HS3ST5: variants seen among roughly 807,000 people sequenced by gnomAD.
The protein encoded by HS3ST5 is heparan sulfate-glucosamine 3-sulfotransferase 5, also known as heparan sulfate glucosamine 3-O-sulfotransferase 5.
Under a neutral mutation model 25.4 loss-of-function variants are expected in HS3ST5, and 10 were observed. The ratio of observed to expected loss-of-function variants is 0.39; its 90% CI spans 0.24 to 0.67. HS3ST5 has a LOEUF of 0.67. Among genes scored for constraint, HS3ST5 ranks in the 30% least tolerant of loss-of-function variants. HS3ST5 has a pLI of 0.44. For missense variants in HS3ST5, 324 were observed against 420.7 expected, an observed-to-expected ratio of 0.77 and a Z score of 2.01; for synonymous variants, 170 against 162.4, an observed-to-expected ratio of 1.05 and a Z score of -0.36.
intron 3 of HS3ST5, among the ~76,000 whole-genome samples, chr6:114,160,382 T>C (rs1434437553): frequency 6.6e-6 from 1 of 152,046 alleles, no homozygotes; most frequent in Non-Finnish European, 1.5e-5. Flanking sequence ...TACTTCCAAA[T>C]GACATATGAA....
intron 3 of HS3ST5, among the ~76,000 whole-genome samples, chr6:114,119,645 G>T (rs1259714348): frequency 1.3e-5 from 2 of 152,128 alleles, no homozygotes; most frequent in Admixed American, 1.3e-4. Flanking sequence ...AATTTTAAAA[G>T]GGTTTGGAAC....
chr6:114,301,318 G>A (rs768259353), intron 1 of HS3ST5, among the ~76,000 whole-genome samples: 1 of 152,040 alleles, frequency 6.6e-6, no homozygotes, highest in Non-Finnish European at 1.5e-5. Flanking sequence ...ATTTCTAAAG[G>A]TCATTCATAG....
chr6:114,134,564 T>A (rs1186534376), intron 3 of HS3ST5, among the ~76,000 whole-genome samples: 2 of 152,176 alleles, frequency 1.3e-5, no homozygotes, highest in African/African-American at 4.8e-5. Context: ...CTAGCTCAGT[T>A]GTTCTCAGCC....
At chr6:114,058,224 G>A (rs1772890881) in intron 4 of HS3ST5, 34 bp from the exon 5 acceptor site, 2 of 1,500,664 alleles carry the variant, frequency 1.3e-6, no homozygotes, top group Non-Finnish European at 1.8e-6. Flanking sequence ...TAAGCTCATT[G>A]CAACTAACTT....
In HS3ST5 at chr6:114,082,092, T is replaced by C. The variant is rs556206690; in HGVS notation, c.-32-19215A>G. Among the ~76,000 whole-genome samples, 36 of 152,346 alleles carry C rather than the reference T, an allele frequency of 2.4e-4. 1 individual carries two copies. The highest frequency in any genetic ancestry group is 2.1e-3 in the Admixed American group (32 of 15,306). Reference sequence around the variant, plus strand: ...ACTATTCCTTCTTGCATCTCAGCTCTTTCATTTTCCTTCTGCCAGAAGTAG... The same window carrying C: ...ACTATTCCTTCTTGCATCTCAGCTCCTTCATTTTCCTTCTGCCAGAAGTAG... On this transcript the variant is annotated intron_variant, in intron 3 of 4. Transcript: ENST00000312719.
At chr6:114,135,223 T>C (rs1006164428) in intron 3 of HS3ST5, among the ~76,000 whole-genome samples, 1 of 152,212 alleles carries the variant, frequency 6.6e-6, no homozygotes, top group Admixed American at 6.5e-5. Flanking sequence ...GTTGCAAATG[T>C]TTCCTACACC....
chr6:114,257,618 G>T (rs1772989660), intron 1 of HS3ST5, among the ~76,000 whole-genome samples: 1 of 152,120 alleles, frequency 6.6e-6, no homozygotes, highest in Non-Finnish European at 1.5e-5. Context: ...CCCTGGTTGA[G>T]GCAACCCTGT....
At chr6:114,336,012 A>G (rs1441373331) in intron 1 of HS3ST5, among the ~76,000 whole-genome samples, 1 of 152,186 alleles carries the variant, frequency 6.6e-6, no homozygotes, top group Non-Finnish European at 1.5e-5. Flanking sequence ...TATTACTTTA[A>G]TCAAGCTTAA....
At chr6:114,277,288 A>G (rs1466244997) in intron 1 of HS3ST5, among the ~76,000 whole-genome samples, 2 of 151,508 alleles carry the variant, frequency 1.3e-5, no homozygotes, top group East Asian at 3.9e-4. Context: ...GAGTTAGAGT[A>G]TCAATATGGT....
chr6:114,191,750 T>TC (rs1780513436), intron 2 of HS3ST5, among the ~76,000 whole-genome samples: 3 of 152,264 alleles, frequency 2.0e-5, no homozygotes, highest in Admixed American at 2.0e-4. Flanking sequence ...TTTGGCCCTG[T>TC]CCACCGTGGT....
intron 1 of HS3ST5, among the ~76,000 whole-genome samples, chr6:114,284,736 T>G (rs1736982695): frequency 6.6e-6 from 1 of 151,866 alleles, no homozygotes; most frequent in African/African-American, 2.4e-5. Context: ...AGGTAAAAAG[T>G]GAATCTCCAA....
At chr6:114,126,296 A>G (rs1398841599) in intron 3 of HS3ST5, among the ~76,000 whole-genome samples, 1 of 152,180 alleles carries the variant, frequency 6.6e-6, no homozygotes, top group African/African-American at 2.4e-5. Flanking sequence ...AATTCAAGCC[A>G]GCTCCAGACA....
intron 3 of HS3ST5, among the ~76,000 whole-genome samples, chr6:114,097,522 C>A (rs1035688059): frequency 1.3e-5 from 2 of 151,654 alleles, no homozygotes; most frequent in African/African-American, 4.8e-5. Context: ...AAATATGTTC[C>A]AATTATAAGA....
intron 2 of HS3ST5, among the ~76,000 whole-genome samples, chr6:114,186,672 C>T (rs371091249): frequency 4.6e-5 from 7 of 152,244 alleles, no homozygotes; most frequent in East Asian, 1.9e-4. Context: ...AGATAATTAA[C>T]GAAGGTAGCT....
At chr6:114,239,894 C>T (rs1350243730) in intron 1 of HS3ST5, among the ~76,000 whole-genome samples, 1 of 152,042 alleles carries the variant, frequency 6.6e-6, no homozygotes, top group Non-Finnish European at 1.5e-5. Flanking sequence ...AGCATAACTT[C>T]CTTGTTCTAA....
At chr6:114,266,893 C>T (rs1371913693) in intron 1 of HS3ST5, among the ~76,000 whole-genome samples, 2 of 152,122 alleles carry the variant, frequency 1.3e-5, no homozygotes, top group Non-Finnish European at 2.9e-5. Context: ...AATTCAGTTT[C>T]GATTGCAAAA....
At chr6:114,339,568 A>G (rs563166189) in intron 1 of HS3ST5, among the ~76,000 whole-genome samples, 1 of 152,316 alleles carries the variant, frequency 6.6e-6, no homozygotes, top group Admixed American at 6.5e-5. Context: ...ATGCGAATTC[A>G]CTTTTTCAGT....
chr6:114,328,712 A>C (rs1776272163), intron 1 of HS3ST5, among the ~76,000 whole-genome samples: 1 of 152,234 alleles, frequency 6.6e-6, no homozygotes, highest in Non-Finnish European at 1.5e-5. Flanking sequence ...ATGAGCAGGA[A>C]TCTGCTTTGC....
intron 2 of HS3ST5, among the ~76,000 whole-genome samples, chr6:114,184,341 A>G (rs1582691941): frequency 6.6e-6 from 1 of 152,158 alleles, no homozygotes; most frequent in African/African-American, 2.4e-5. Context: ...CAGCTCATCC[A>G]TATGGCAAAA....
Sources: gnomAD v4.1 joint callset for allele counts (sites outside exome capture counted in the v4.1 genomes callset) on GRCh38, gnomAD v4.1.1 for gene constraint, MANE v1.5 for transcripts, NCBI Gene and HGNC (gene_info 2026-07-23, HGNC 2026-07-21) for gene names.